Variants in FOXP1 observed in about 807,000 individuals in gnomAD.
The protein encoded by FOXP1 is forkhead box protein P1.
Under a neutral mutation model 98.2 loss-of-function variants are expected in FOXP1, and 15 were observed. The ratio of observed to expected loss-of-function variants is 0.15; its 90% CI spans 0.10 to 0.24. FOXP1 has a LOEUF of 0.24. FOXP1 is among the 10% of genes least tolerant of loss of function. The probability of loss-of-function intolerance (pLI) is 1.00; values close to 1 mark genes in which losing one functional copy is unlikely to be tolerated. For synonymous variants in FOXP1, 371 were observed against 314.5 expected, an observed-to-expected ratio of 1.18 and a Z score of -1.90; for missense variants, 633 against 848.5, an observed-to-expected ratio of 0.75 and a Z score of 3.15.
chr3:70,988,820 T>C (rs1052184540), intron 13 of FOXP1, among the ~76,000 whole-genome samples: 9 of 152,230 alleles, frequency 5.9e-5, no homozygotes, highest in Admixed American at 3.9e-4. Context: ...ATATTTTCAA[T>C]AGTTCAAGAC....
In FOXP1 at chr3:71,198,397, T is replaced by TA; in HGVS notation, c.-11-6dup. On this transcript the variant is annotated splice_region_variant and splice_polypyrimidine_tract_variant and intron_variant, in intron 5 of 20. Coordinates refer to ENST00000649528, the MANE Select transcript of FOXP1 (RefSeq NM_001349338.3). ...CTTGCATCATGACTCAAAAACCTGA[T>TA]ACAAGGATTTCCAAGATGGGGGGAG... 1.5e-6 allele frequency: 1 copy of TA among 673,968 alleles called. No homozygotes were observed. Among genetic ancestry groups the TA allele is most frequent in the Non-Finnish European group, 2.4e-6 (1 of 417,106 alleles). 41.7% of individuals were successfully genotyped at this position (673,968 alleles called of 1,614,324 possible). A position where few individuals can be genotyped will look rare whatever the true frequency, so the allele number is the denominator to read the frequency against.
At position 71,251,799 on chromosome 3, in the gene FOXP1, T is replaced by C. The variant is rs557381969; in HGVS notation, c.-12+48021A>G. ...AAAAGTACACTGTCATTCTGAATAA[T>C]TGTATATGTATCTCCTTTGTAGGCT... On this transcript the variant is annotated intron_variant, in intron 5 of 20. Transcript: ENST00000649528. Among the ~76,000 whole-genome samples, 6 of 152,326 alleles carry C rather than the reference T, an allele frequency of 3.9e-5. No individual in the cohort carries two copies. The South Asian group carries it at 1.2e-3, about 32-fold the overall frequency.
chr3:71,194,459 G>A (rs1323432360), intron 6 of FOXP1, among the ~76,000 whole-genome samples: 1 of 152,056 alleles, frequency 6.6e-6, no homozygotes, highest in Non-Finnish European at 1.5e-5. Flanking sequence ...TATGTAATAT[G>A]CTTATCTGAA....
intron 11 of FOXP1, among the ~76,000 whole-genome samples, chr3:71,031,213 CAT>C (rs2046820046): frequency 1.3e-5 from 2 of 152,134 alleles, no homozygotes; most frequent in African/African-American, 4.8e-5. Flanking sequence ...CCTTCAAAGA[CAT>C]ATCTCAAAGT....
At position 71,406,403 on chromosome 3, in the gene FOXP1, G is replaced by GTATATATATATATATATATATATATATA. The variant is rs112681983; in HGVS notation, c.-167-47160_-167-47159insTATATATATATATATATATATATATATA. ...TTTAATTGACACATAATAACTGTAT[G>GTATATATATATATATATATATATATATA]TGTATATATATATATATATATGGTA... On this transcript the variant is annotated intron_variant, in intron 3 of 20. Coordinates refer to ENST00000649528, the MANE Select transcript of FOXP1 (RefSeq NM_001349338.3). Among the ~76,000 whole-genome samples the GTATATATATATATATATATATATATATA allele has an allele frequency of 3.6e-3, 392 of 107,706 alleles. 26 individuals are homozygous for GTATATATATATATATATATATATATATA. Among genetic ancestry groups the GTATATATATATATATATATATATATATA allele is most frequent in the Non-Finnish European group, 6.5e-3 (298 of 46,000 alleles). 70.7% of individuals were successfully genotyped at this position (107,706 alleles called of 152,430 possible). A position where few individuals can be genotyped will look rare whatever the true frequency, so the allele number is the denominator to read the frequency against.
rs749496566 is a variant in FOXP1, at chr3:71,015,669, C to T, written c.870-16G>A. On this transcript the variant is annotated splice_polypyrimidine_tract_variant and intron_variant, in intron 11 of 20. Transcript: ENST00000649528. ...ATGGGACAAACTGAAAGAAAACACA[C>T]AGAAGACCAGAGAATGAATTTGCTG... The T allele has an allele frequency of 5.2e-6, 8 of 1,533,110 alleles. No homozygotes were observed. Among genetic ancestry groups the T allele is most frequent in the South Asian group, 3.4e-5 (3 of 89,386 alleles). The allele number at this position is 1,533,110 out of a possible 1,614,324, so 95.0% of individuals were successfully genotyped here. A position where few individuals can be genotyped will look rare whatever the true frequency, so the allele number is the denominator to read the frequency against.
At chr3:71,122,882 A>G (rs1007320405) in intron 6 of FOXP1, among the ~76,000 whole-genome samples, 1 of 152,160 alleles carries the variant, frequency 6.6e-6, no homozygotes, top group Admixed American at 6.5e-5. Context: ...GCCACGGGTA[A>G]TCTTGGCAAA....
chr3:71,494,892 A>G (rs1056408171), intron 2 of FOXP1, among the ~76,000 whole-genome samples: 2 of 151,878 alleles, frequency 1.3e-5, no homozygotes, highest in African/African-American at 4.8e-5. Flanking sequence ...CATGCTCCCT[A>G]AAGCCATGAA....
chr3:71,580,386 TAGAA>T (rs1056887079), intron 2 of FOXP1, among the ~76,000 whole-genome samples: 1 of 121,646 alleles, frequency 8.2e-6, no homozygotes, highest in Non-Finnish European at 1.9e-5. Flanking sequence ...ACGTTTCAAA[TAGAA>T]AGACAGAGGG....
At chr3:71,372,095 C>G (rs1157087896) in intron 3 of FOXP1, among the ~76,000 whole-genome samples, 1 of 151,948 alleles carries the variant, frequency 6.6e-6, no homozygotes, top group Non-Finnish European at 1.5e-5. Context: ...TCACTGCAAC[C>G]TCGGCCTCCA....
chr3:71,041,650 G>A (rs2048354146), intron 10 of FOXP1, 118 bp from the exon 11 acceptor site: 4 of 1,006,084 alleles, frequency 4.0e-6, no homozygotes, highest in Non-Finnish European at 3.0e-6. Flanking sequence ...TTTTCGGTGT[G>A]TGCAGTTTTT....
chr3:70,977,659 G>A lies in FOXP1; in HGVS notation c.1412C>T (p.Ala471Val). ...NAEVRPPFTYASLIRQAILES... is the reference protein window; with the variant it reads ...NAEVRPPFTYVSLIRQAILES... ...TTTACTTACCTGCCTAATTAAAGAT[G>A]CATATGTAAATGGTGGTCTAACTTC... Residue 471 changes from alanine (A) to valine (V), a missense_variant, in exon 16 of 21, where the codon GCA (alanine) becomes GTA (valine). Around this residue, in one of 6 missense-constraint regions of FOXP1, gnomAD observed 141 missense variants for 199.5 expected, o/e 0.71. Coordinates refer to ENST00000649528, the MANE Select transcript of FOXP1 (RefSeq NM_001349338.3). The A allele has an allele frequency of 6.2e-7, 1 of 1,613,064 alleles. No individual in the cohort carries two copies. The highest frequency in any genetic ancestry group is 8.5e-7 in the Non-Finnish European group (1 of 1,179,070).
At chr3:71,356,750 C>T (rs995662562) in intron 4 of FOXP1, among the ~76,000 whole-genome samples, 4 of 152,208 alleles carry the variant, frequency 2.6e-5, no homozygotes, top group African/African-American at 9.7e-5. Flanking sequence ...AAAGCAGACA[C>T]TCTTAACCAT....
chr3:71,506,310 TC>T (rs1424461348), intron 2 of FOXP1, among the ~76,000 whole-genome samples: 2 of 152,092 alleles, frequency 1.3e-5, no homozygotes, highest in African/African-American at 2.4e-5. Context: ...TAATGATACT[TC>T]CTACATCATG....
At chr3:71,427,956 C>G (rs1353551488) in intron 3 of FOXP1, among the ~76,000 whole-genome samples, 1 of 152,016 alleles carries the variant, frequency 6.6e-6, no homozygotes, top group Non-Finnish European at 1.5e-5. Context: ...AAATGAATTC[C>G]AAGAAAAAGA....
rs1373854243 is a variant in FOXP1, at chr3:71,041,525, A to T, written c.672T>A (p.Ile224=). 4 of 1,613,698 alleles carry T rather than the reference A, an allele frequency of 2.5e-6. No homozygotes were observed. The highest frequency in any genetic ancestry group is 3.4e-6 in the Non-Finnish European group (4 of 1,179,720). Residue 224 remains isoleucine (I), a synonymous_variant, in exon 11 of 21, where the codon ATT becomes ATA. Transcript: ENST00000649528. ...TCCAGAGCTGCTGCAGTTCTGTTGG[A>T]ATCATGCCTGAAACAAACAAATTGG... ...LPLQPLAQGM[I]PTELQQLWKE...
chr3:71,374,404 G>T (rs555771533), intron 3 of FOXP1, among the ~76,000 whole-genome samples: 1 of 152,108 alleles, frequency 6.6e-6, no homozygotes, highest in Non-Finnish European at 1.5e-5. Flanking sequence ...GGCCAGCCTG[G>T]CCAACAAGGT....
intron 1 of FOXP1, among the ~76,000 whole-genome samples, chr3:71,583,179 G>A (rs1030947715): frequency 1.1e-4 from 16 of 152,086 alleles, no homozygotes; most frequent in African/African-American, 3.9e-4. Flanking sequence ...ATCGTGGAGA[G>A]CGCAGAGAGA....
At chr3:71,437,155 G>A (rs1226606854) in intron 3 of FOXP1, among the ~76,000 whole-genome samples, 1 of 152,150 alleles carries the variant, frequency 6.6e-6, no homozygotes, top group Non-Finnish European at 1.5e-5. Context: ...GCTCATTCCT[G>A]TAATCCAAGC....
Sources: allele counts gnomAD v4.1 joint callset (sites outside exome capture counted in the v4.1 genomes callset), GRCh38; gene constraint gnomAD v4.1.1; regional missense constraint gnomAD v4.1.1; transcripts MANE v1.5; gene names NCBI Gene and HGNC (gene_info 2026-07-23, HGNC 2026-07-21).